The following UEVLD variants were observed in gnomAD, a reference collection of about 807,000 sequenced individuals.
UEVLD encodes the protein UEV and lactate/malate dehyrogenase domains.
A neutral mutation model predicts 58.6 loss-of-function variants in UEVLD; 47 were observed. That is an observed-to-expected ratio of 0.80 (90% CI 0.63 to 1.02). UEVLD has a LOEUF of 1.02. UEVLD is among the 50% of genes least tolerant of loss of function. The probability of loss-of-function intolerance (pLI) is 0.00; values close to 1 mark genes in which losing one functional copy is unlikely to be tolerated. For synonymous variants in UEVLD, 197 were observed against 195.3 expected, an observed-to-expected ratio of 1.01 and a Z score of -0.07; for missense variants, 510 against 550.6, an observed-to-expected ratio of 0.93 and a Z score of 0.74.
chr11:18,540,796 CCT>C (rs1353929166), intron 9 of UEVLD, among the ~76,000 whole-genome samples: 4 of 152,302 alleles, frequency 2.6e-5, no homozygotes, highest in African/African-American at 9.6e-5. Flanking sequence ...TTCCCTTGGA[CCT>C]CTCTCAGAGT....
intron 6 of UEVLD, among the ~76,000 whole-genome samples, chr11:18,562,694 C>T (rs890324563): frequency 3.3e-5 from 5 of 150,186 alleles, no homozygotes; most frequent in East Asian, 2.0e-4. Context: ...AGCTGAAAAA[C>T]GGCAAATTTT....
At chr11:18,584,983 C>G (rs977980565) in intron 1 of UEVLD, among the ~76,000 whole-genome samples, 8 of 152,094 alleles carry the variant, frequency 5.3e-5, no homozygotes, top group African/African-American at 1.9e-4. Flanking sequence ...ATTTTAGATA[C>G]CAATACTTTG....
intron 7 of UEVLD, among the ~76,000 whole-genome samples, chr11:18,548,880 G>A (rs1358814298): frequency 6.6e-6 from 1 of 152,176 alleles, no homozygotes; most frequent in African/African-American, 2.4e-5. Context: ...TTCTTCATGA[G>A]TCCTCTTAAG....
Position 18,583,951 on chromosome 11 carries a change from G to A in UEVLD, c.42+4662C>T, listed in dbSNP as rs571922228. 1.3e-4 allele frequency among the ~76,000 whole-genome samples: 20 copies of A among 152,214 alleles called. No individual in the cohort carries two copies. The East Asian group carries it at 1.3e-3, about 10-fold the overall frequency. On this transcript the variant is annotated intron_variant, in intron 1 of 11. Coordinates refer to ENST00000396197, the MANE Select transcript of UEVLD (RefSeq NM_001040697.4). ...GTTGAGATTACAGGTGTGAGCCACCGCAGTATTACCATTTTATGAGTGAGC... is the reference window on the plus strand; with the variant it reads ...GTTGAGATTACAGGTGTGAGCCACCACAGTATTACCATTTTATGAGTGAGC...
chr11:18,545,476 G>T (rs1387302045), intron 8 of UEVLD, among the ~76,000 whole-genome samples: 1 of 151,664 alleles, frequency 6.6e-6, no homozygotes, highest in Non-Finnish European at 1.5e-5. Context: ...ATGGAGTCTT[G>T]CTCTGTCCCC....
In UEVLD at chr11:18,559,138, T is replaced by A. The variant is rs1174137325; in HGVS notation, c.613-808A>T. ...ATGTGCTCACCTTGGTCTCCCAAAGTGCTGGAATTACAGGTGTGAGCCACC... is the reference window on the plus strand; with the variant it reads ...ATGTGCTCACCTTGGTCTCCCAAAGAGCTGGAATTACAGGTGTGAGCCACC... On this transcript the variant is annotated intron_variant, in intron 6 of 11. Transcript: ENST00000396197. Among the ~76,000 whole-genome samples the A allele has an allele frequency of 3.3e-5, 5 of 152,004 alleles. No individual in the cohort carries two copies. The East Asian group carries it at 9.7e-4, about 30-fold the overall frequency.
chr11:18,538,045 T>C (rs1177724005), intron 9 of UEVLD, among the ~76,000 whole-genome samples: 2 of 152,226 alleles, frequency 1.3e-5, no homozygotes, highest in Non-Finnish European at 2.9e-5. Flanking sequence ...TGTGAAGAGA[T>C]TGTTTGGTAC....
In UEVLD at chr11:18,570,386, G is replaced by T. The variant is rs1371662793; in HGVS notation, c.194-9C>A. On this transcript the variant is annotated splice_polypyrimidine_tract_variant and intron_variant, in intron 3 of 11. Coordinates refer to ENST00000396197, the MANE Select transcript of UEVLD (RefSeq NM_001040697.4). ...TATGTTATATGTATTACCTATTTGA[G>T]ACAAAAGAAACATATCTTCAAACAA... 1 of 1,510,406 alleles carries T rather than the reference G, an allele frequency of 6.6e-7. No individual in the cohort carries two copies. The highest frequency in any genetic ancestry group is 1.3e-5 in the South Asian group (1 of 75,060). 93.6% of individuals were successfully genotyped at this position (1,510,406 alleles called of 1,614,324 possible).
chr11:18,579,492 C>T (rs1202811002), intron 1 of UEVLD: 9 of 985,240 alleles, frequency 9.1e-6, no homozygotes, highest in Non-Finnish European at 1.1e-5. Context: ...AGGATCCAAC[C>T]GTCTTTTTGG....
chr11:18,571,322 G>C (rs927318160), intron 3 of UEVLD, among the ~76,000 whole-genome samples: 1 of 152,152 alleles, frequency 6.6e-6, no homozygotes, highest in Admixed American at 6.5e-5. Context: ...ACTCCAGCCA[G>C]GTGACAGCGC....
At chr11:18,545,074 A>ATATATATTTTT (rs1345787784) in intron 8 of UEVLD, among the ~76,000 whole-genome samples, 12 of 84,560 alleles carry the variant, frequency 1.4e-4, no homozygotes, top group East Asian at 3.3e-4. Flanking sequence ...CTATATCTAT[A>ATATATATTTTT]TTTTTTTTTT....
At chr11:18,569,826 A>G (rs1852499552) in intron 4 of UEVLD, 1 of 160,038 alleles carries the variant, frequency 6.2e-6, no homozygotes, top group South Asian at 1.7e-4. Flanking sequence ...ATACAGTATG[A>G]TTCAACTTAT....
intron 1 of UEVLD, among the ~76,000 whole-genome samples, chr11:18,580,088 T>C (rs1385822516): frequency 2.0e-5 from 3 of 150,826 alleles, no homozygotes; most frequent in Non-Finnish European, 4.4e-5. Flanking sequence ...TAAAATTCAT[T>C]TGGAAATTCG....
At chr11:18,536,646 A>C (rs1323993377) in intron 9 of UEVLD, 177 bp from the exon 10 acceptor site, 1 of 549,340 alleles carries the variant, frequency 1.8e-6, no homozygotes, top group African/African-American at 1.9e-5. Flanking sequence ...CACTAGCCCG[A>C]GGTGAGGAAA....
intron 4 of UEVLD, among the ~76,000 whole-genome samples, chr11:18,569,520 A>G (rs1852481690): frequency 6.6e-6 from 1 of 152,240 alleles, no homozygotes; most frequent in Non-Finnish European, 1.5e-5. Flanking sequence ...AAGATATATT[A>G]GATATATACA....
chr11:18,541,079 A>G (rs1190604139), intron 9 of UEVLD, among the ~76,000 whole-genome samples: 1 of 152,214 alleles, frequency 6.6e-6, no homozygotes, highest in Admixed American at 6.5e-5. Flanking sequence ...ACCCAGATAT[A>G]CTAGGTTAGG....
At chr11:18,542,119 T>C (rs546994823) in intron 9 of UEVLD, among the ~76,000 whole-genome samples, 1 of 152,218 alleles carries the variant, frequency 6.6e-6, no homozygotes, top group Non-Finnish European at 1.5e-5. Context: ...AATAATAACA[T>C]GTTTTAGGAA....
chr11:18,588,568 C>A (rs764907197), intron 1 of UEVLD, 45 bp downstream of exon 1: 4 of 1,602,228 alleles, frequency 2.5e-6, no homozygotes, highest in Non-Finnish European at 3.4e-6. Flanking sequence ...AGGCACCCCC[C>A]GCAAGACCCT....
Position 18,567,584 on chromosome 11 carries a change from T to C in UEVLD, c.358-1102A>G, listed in dbSNP as rs111462909. On this transcript the variant is annotated intron_variant, in intron 4 of 11. Coordinates refer to ENST00000396197, the MANE Select transcript of UEVLD (RefSeq NM_001040697.4). Reference sequence around the variant, plus strand: ...TGGCAAATTGGAAACAGCATGCCAATAGGCATTCAAATTTACATTAAGAAC... The same window carrying C: ...TGGCAAATTGGAAACAGCATGCCAACAGGCATTCAAATTTACATTAAGAAC... Among the ~76,000 whole-genome samples, 1,123 of 152,256 alleles carry C rather than the reference T, an allele frequency of 7.4e-3. 13 individuals carry two copies. Among genetic ancestry groups the C allele is most frequent in the African/African-American group, 0.026 (1,065 of 41,552 alleles).
Sources: gnomAD v4.1 joint callset for allele counts (sites outside exome capture counted in the v4.1 genomes callset) on GRCh38, gnomAD v4.1.1 for gene constraint, MANE v1.5 for transcripts, NCBI Gene and HGNC (gene_info 2026-07-23, HGNC 2026-07-21) for gene names.